ATP10B: variants seen among roughly 807,000 people sequenced by gnomAD.
ATP10B encodes the protein phospholipid-transporting ATPase VB.
ATP10B carries 122 observed loss-of-function variants against 141.2 expected under a neutral mutation model. The ratio of observed to expected loss-of-function variants is 0.86; its 90% CI spans 0.75 to 1.00. The LOEUF is 1.00. ATP10B is among the 50% of genes least tolerant of loss of function. ATP10B has a pLI of 0.00. For missense variants in ATP10B, 1,876 were observed against 1,825.3 expected, an observed-to-expected ratio of 1.03 and a Z score of -0.51; for synonymous variants, 685 against 692.0, an observed-to-expected ratio of 0.99 and a Z score of 0.16.
intron 1 of ATP10B, among the ~76,000 whole-genome samples, chr5:160,825,680 A>G (rs1774542398): frequency 6.6e-6 from 1 of 152,144 alleles, no homozygotes; most frequent in African/African-American, 2.4e-5. Flanking sequence ...GCATCCTTTA[A>G]AAAAATTTGA....
At chr5:160,600,850 G>A (rs534279710) in intron 21 of ATP10B, among the ~76,000 whole-genome samples, 3 of 152,332 alleles carry the variant, frequency 2.0e-5, no homozygotes, top group African/African-American at 7.2e-5. Flanking sequence ...GGTTTCATAT[G>A]TGGAAGTCAT....
chr5:160,789,992 C>A (rs1771451811), intron 1 of ATP10B, among the ~76,000 whole-genome samples: 1 of 152,148 alleles, frequency 6.6e-6, no homozygotes, highest in East Asian at 1.9e-4. Context: ...TCCTTATCCT[C>A]TTCGAGCTTC....
intron 7 of ATP10B, among the ~76,000 whole-genome samples, chr5:160,652,430 CTTATTTATTTATTTAT>C (rs70990738): frequency 0.05 from 6,496 of 129,656 alleles, 577 homozygotes; most frequent in African/African-American, 0.15. Flanking sequence ...TGTCAGGGTT[CTTATTTATTTATTTAT>C]TTATTTATTT....
rs528592293 is a variant in ATP10B, at chr5:160,783,419, T to C, written c.-331+2140A>G. ...TGTGATGGATATATCTATCCATGGA[T>C]ATATCCATGGATAGATATATCCATC... is the stretch of plus-strand genomic sequence containing the variant. On this transcript the variant is annotated intron_variant, in intron 2 of 25. Transcript: ENST00000327245. 2.3e-5 allele frequency among the ~76,000 whole-genome samples: 3 copies of C among 131,638 alleles called. No individual in the cohort carries two copies. In the South Asian group the frequency reaches 7.6e-4, roughly 33 times the overall value. The allele number at this position is 131,638 out of a possible 152,430, so 86.4% of individuals were successfully genotyped here.
At chr5:160,725,417 T>C (rs7724022) in intron 2 of ATP10B, among the ~76,000 whole-genome samples, 128,264 of 152,082 alleles carry the variant, frequency 0.84, 54,225 homozygotes, top group East Asian at 0.9. Context: ...TCGTCTTACC[T>C]AGATCTAATT....
At chr5:160,652,895 AATATAT>A (rs1681150402) in intron 7 of ATP10B, among the ~76,000 whole-genome samples, 1 of 68,194 alleles carries the variant, frequency 1.5e-5, no homozygotes, top group South Asian at 4.6e-4. Context: ...ATAATTATAT[AATATAT>A]TATATATACA....
Position 160,785,311 on chromosome 5 carries a change from G to A in ATP10B, c.-331+248C>T, listed in dbSNP as rs118117317. ...TATATAATTTGACAGGTCCTATGTT[G>A]TCTGGGGAATATATACAATGGAGAA... On this transcript the variant is annotated intron_variant, in intron 2 of 25. Transcript: ENST00000327245. 5.2e-4 allele frequency among the ~76,000 whole-genome samples: 79 copies of A among 152,220 alleles called. 2 individuals carry two copies. The East Asian group carries it at 0.015, about 29-fold the overall frequency.
At chr5:160,757,598 A>G (rs182261440) in intron 2 of ATP10B, among the ~76,000 whole-genome samples, 4 of 152,216 alleles carry the variant, frequency 2.6e-5, no homozygotes, top group Non-Finnish European at 4.4e-5. Context: ...TTTGTTTTTC[A>G]CTTGGGTAGT....
intron 2 of ATP10B, among the ~76,000 whole-genome samples, chr5:160,728,654 A>C (rs1361740403): frequency 6.6e-6 from 1 of 152,170 alleles, no homozygotes; most frequent in African/African-American, 2.4e-5. Context: ...AACAGCTTTC[A>C]GTGAGTTCTG....
rs1364625573 is a variant in ATP10B at position 160,785,750 on chromosome 5, C to A, written c.-522G>T. 5 of 1,177,958 alleles carry A rather than the reference C, an allele frequency of 4.2e-6. No homozygotes were observed. Among genetic ancestry groups the A allele is most frequent in the Non-Finnish European group, 5.5e-6 (5 of 910,164 alleles). The allele number at this position is 1,177,958 out of a possible 1,614,324, so 73.0% of individuals were successfully genotyped here. The stretch of plus-strand genomic sequence containing the variant: ...AAACTACTTACTCTTCACACTGTTG[C>A]TTTCATTGAAACAAATGTCACCAGT... On this transcript the variant is annotated 5_prime_UTR_variant, in exon 2 of 26. Transcript: ENST00000327245.
intron 24 of ATP10B, among the ~76,000 whole-genome samples, chr5:160,573,410 A>T (rs917182960): frequency 1.3e-5 from 2 of 152,172 alleles, no homozygotes; most frequent in Non-Finnish European, 2.9e-5. Flanking sequence ...GACGCAGACA[A>T]TTCTGCAGCT....
At chr5:160,799,069 CG>C in intron 1 of ATP10B, among the ~76,000 whole-genome samples, 1 of 151,320 alleles carries the variant, frequency 6.6e-6, no homozygotes, top group South Asian at 2.2e-4. Flanking sequence ...ACTGTTTCAT[CG>C]TTAGTGAAAT....
At chr5:160,808,418 C>T (rs1195493379) in intron 1 of ATP10B, among the ~76,000 whole-genome samples, 1 of 152,160 alleles carries the variant, frequency 6.6e-6, no homozygotes, top group East Asian at 1.9e-4. Context: ...ATGAGCATGG[C>T]TTTGGTGACT....
intron 2 of ATP10B, among the ~76,000 whole-genome samples, chr5:160,750,072 C>G (rs2127821189): frequency 6.6e-6 from 1 of 152,278 alleles, no homozygotes; most frequent in South Asian, 2.1e-4. Context: ...AGAAGGTATG[C>G]AGGTTTTGAT....
At chr5:160,600,495 T>G (rs763186926) in intron 21 of ATP10B, among the ~76,000 whole-genome samples, 6 of 152,218 alleles carry the variant, frequency 3.9e-5, no homozygotes, top group Non-Finnish European at 5.9e-5. Context: ...AGGCCATGAT[T>G]GGCTTGATTC....
rs747755120 is a variant in ATP10B at position 160,589,595 on chromosome 5, T to C, written c.3747A>G (p.Thr1249=). The change falls in exon 24 of 26, where the codon ACA becomes ACG. Residue 1249 remains threonine (T), a synonymous_variant. Coordinates refer to ENST00000327245, the MANE Select transcript of ATP10B (RefSeq NM_025153.3). The part of the protein sequence containing the change: ...ILLHQAMEMK[T]WTIFHGVVLL... ...AAAGGGGCTCTGGGACACTTACCCA[T>C]GTCTTCATTTCCATTGCCTGGTGCA... The C allele has an allele frequency of 2.5e-6, 4 of 1,613,088 alleles. No homozygotes were observed. In the South Asian group the frequency reaches 3.3e-5, roughly 13 times the overall value.
intron 25 of ATP10B, among the ~76,000 whole-genome samples, chr5:160,568,113 C>T (rs571993085): frequency 2.0e-5 from 3 of 152,076 alleles, no homozygotes; most frequent in African/African-American, 2.4e-5. Context: ...GGGGTGGTGC[C>T]GGTGATAGAG....
At chr5:160,655,814 CA>C (rs1391657727) in intron 7 of ATP10B, among the ~76,000 whole-genome samples, 1 of 152,118 alleles carries the variant, frequency 6.6e-6, no homozygotes, top group East Asian at 1.9e-4. Flanking sequence ...TCATGTGGGA[CA>C]GTAAGTGAGA....
intron 7 of ATP10B, among the ~76,000 whole-genome samples, chr5:160,652,960 T>TGTATATATAATATATTATATAA (rs1760976146): frequency 4.7e-5 from 4 of 85,648 alleles, no homozygotes; most frequent in African/African-American, 2.3e-4. Flanking sequence ...ATATTATATA[T>TGTATATATAATATATTATATAA]ACATGTATAT....
Sources: gnomAD v4.1 joint callset for allele counts (sites outside exome capture counted in the v4.1 genomes callset) on GRCh38, gnomAD v4.1.1 for gene constraint, MANE v1.5 for transcripts, NCBI Gene and HGNC (gene_info 2026-07-23, HGNC 2026-07-21) for gene names.